TMEM266: variants seen among roughly 807,000 people sequenced by gnomAD.
The protein encoded by TMEM266 is Hv1 related protein 1.
A neutral mutation model predicts 50.5 loss-of-function variants in TMEM266; 33 were observed. That is an observed-to-expected ratio of 0.65 (90% CI 0.50 to 0.87). TMEM266 has a LOEUF of 0.87. TMEM266 is among the 40% of genes least tolerant of loss of function. The probability of loss-of-function intolerance (pLI) is 0.00; values close to 1 mark genes in which losing one functional copy is unlikely to be tolerated. For synonymous variants in TMEM266, 310 were observed against 292.3 expected (o/e 1.06, Z -0.62); for missense variants, 655 against 695.1 (o/e 0.94, Z 0.65).
At chr15:76,148,237 C>T (rs1233600963) in intron 3 of TMEM266, among the ~76,000 whole-genome samples, 1 of 152,126 alleles carries the variant, frequency 6.6e-6, no homozygotes, top group Non-Finnish European at 1.5e-5. Flanking sequence ...GAATGGGAGT[C>T]CCCAGTCATC....
intron 1 of TMEM266, among the ~76,000 whole-genome samples, chr15:76,102,849 A>G (rs951859866): frequency 2.0e-5 from 3 of 151,772 alleles, no homozygotes; most frequent in Admixed American, 6.6e-5. Context: ...CCAAAAAAAA[A>G]AAAAAAAAAA....
chr15:76,104,698 G>A (rs1192534549), intron 1 of TMEM266, among the ~76,000 whole-genome samples: 1 of 152,184 alleles, frequency 6.6e-6, no homozygotes, highest in Non-Finnish European at 1.5e-5. Context: ...AGGGAAATGA[G>A]GAGGTCATCA....
chr15:76,194,792 G>A (rs1253017322), intron 9 of TMEM266, among the ~76,000 whole-genome samples: 1 of 152,080 alleles, frequency 6.6e-6, no homozygotes, highest in Admixed American at 6.5e-5. Flanking sequence ...TTTTATAAGG[G>A]CCCCAGTCAT....
chr15:76,075,837 C>CTTTTTTT lies in TMEM266; in HGVS notation c.-97+15852_-97+15858dup, dbSNP rs71140194. On this transcript the variant is annotated intron_variant, in intron 1 of 10. Coordinates refer to ENST00000388942, the MANE Select transcript of TMEM266 (RefSeq NM_152335.3). ...CTGGAGGAGAATGAAGAGAAGGCAG[C>CTTTTTTT]TTTTTTTTTTTTTTTTTTTTTTTTT... Among the ~76,000 whole-genome samples, 39 of 23,594 alleles carry CTTTTTTT rather than the reference C, an allele frequency of 1.7e-3. 18 individuals are homozygous for CTTTTTTT. Among genetic ancestry groups the CTTTTTTT allele is most frequent in the Non-Finnish European group, 2.3e-3 (26 of 11,152 alleles). The allele number at this position is 23,594 out of a possible 152,430, so 15.5% of individuals were successfully genotyped here.
intron 8 of TMEM266, among the ~76,000 whole-genome samples, chr15:76,183,858 GC>G (rs952851368): frequency 1.3e-5 from 2 of 152,098 alleles, no homozygotes; most frequent in African/African-American, 2.4e-5. Context: ...AAGCTGTCAC[GC>G]CCCCCCTCCA....
intron 8 of TMEM266, among the ~76,000 whole-genome samples, chr15:76,188,675 G>C (rs2038523979): frequency 6.6e-6 from 1 of 152,128 alleles, no homozygotes; most frequent in African/African-American, 2.4e-5. Flanking sequence ...AGAAAGCATG[G>C]GAGTAACCAC....
intron 5 of TMEM266, among the ~76,000 whole-genome samples, chr15:76,166,818 C>T (rs1424322843): frequency 6.6e-6 from 1 of 152,182 alleles, no homozygotes; most frequent in Non-Finnish European, 1.5e-5. Context: ...TCAGCGGGTA[C>T]AGAGTTTCAG....
chr15:76,117,238 A>G (rs1390964445), intron 1 of TMEM266, among the ~76,000 whole-genome samples: 1 of 141,484 alleles, frequency 7.1e-6, no homozygotes, highest in Non-Finnish European at 1.5e-5. Flanking sequence ...TAAATTTGAC[A>G]GTGTGTACAT....
intron 9 of TMEM266, among the ~76,000 whole-genome samples, chr15:76,201,923 T>C (rs1221389478): frequency 1.3e-5 from 2 of 152,068 alleles, no homozygotes; most frequent in Non-Finnish European, 2.9e-5. Flanking sequence ...ATCTCAGAGA[T>C]GGGGAAACTG....
In TMEM266 at chr15:76,153,536, G is replaced by T. The variant is rs1433076795; in HGVS notation, c.228-3068G>T. ...GCCGCAGACAACGGTAATGGGCATT[G>T]GGGAGAATGTGGAATTGGAGCCAGG... On this transcript the variant is annotated intron_variant, in intron 3 of 10. Transcript: ENST00000388942. This position sits in a 1 kb window ranked among gnomAD's most constrained non-coding sequence, Gnocchi z 4.2. Among the ~76,000 whole-genome samples the T allele has an allele frequency of 6.6e-6, 1 of 152,216 alleles. No homozygotes were observed. Among genetic ancestry groups the T allele is most frequent in the Non-Finnish European group, 1.5e-5 (1 of 68,044 alleles).
chr15:76,190,440 A>G (rs1233836342), intron 8 of TMEM266, among the ~76,000 whole-genome samples: 1 of 152,192 alleles, frequency 6.6e-6, no homozygotes, highest in Non-Finnish European at 1.5e-5. Context: ...GTTTATGGAC[A>G]GGAGTGTCAT....
rs1424702266 is a variant in TMEM266 at position 76,180,366 on chromosome 15, G to GT, written c.768+4697dup. Reference sequence around the variant, plus strand: ...GGGTTTTGGGGAGCACTGGTCGGGTGTTTTTGTTTTACAGGATGCCCCTCT... The same window carrying GT: ...GGGTTTTGGGGAGCACTGGTCGGGTGTTTTTTGTTTTACAGGATGCCCCTCT... On this transcript the variant is annotated intron_variant, in intron 8 of 10. Transcript: ENST00000388942. Among the ~76,000 whole-genome samples the GT allele has an allele frequency of 2.6e-5, 4 of 152,208 alleles. No individual in the cohort carries two copies. In the East Asian group the frequency reaches 5.8e-4, roughly 22 times the overall value.
At chr15:76,093,885 A>G (rs929434366) in intron 1 of TMEM266, among the ~76,000 whole-genome samples, 7 of 151,954 alleles carry the variant, frequency 4.6e-5, no homozygotes, top group African/African-American at 7.3e-5. Context: ...GCATTTTTTC[A>G]TATGTGTGTT....
At chr15:76,109,599 C>T (rs2037136207) in intron 1 of TMEM266, among the ~76,000 whole-genome samples, 4 of 152,148 alleles carry the variant, frequency 2.6e-5, no homozygotes, top group South Asian at 2.1e-4. Flanking sequence ...GAGTGTGAGG[C>T]TCCATGAGCC....
chr15:76,176,636 C>T (rs1339770449), intron 8 of TMEM266, among the ~76,000 whole-genome samples: 2 of 152,188 alleles, frequency 1.3e-5, no homozygotes, highest in South Asian at 4.1e-4. Context: ...CTGTGGCTCT[C>T]TGTGCCCAGG....
At chr15:76,120,493 G>A (rs1249541914) in intron 1 of TMEM266, among the ~76,000 whole-genome samples, 1 of 152,036 alleles carries the variant, frequency 6.6e-6, no homozygotes, top group Admixed American at 6.6e-5. Context: ...GGGTGCGGTG[G>A]CTCACGCCCA....
chr15:76,200,740 A>G (rs2038732946), intron 9 of TMEM266, among the ~76,000 whole-genome samples: 1 of 152,228 alleles, frequency 6.6e-6, no homozygotes, highest in South Asian at 2.1e-4. Context: ...GCTAGACAGC[A>G]TTGGCAGTAC....
At chr15:76,148,069 G>T (rs955064170) in intron 3 of TMEM266, among the ~76,000 whole-genome samples, 4 of 152,260 alleles carry the variant, frequency 2.6e-5, no homozygotes, top group African/African-American at 9.6e-5. Flanking sequence ...CAAGGCGCAG[G>T]GTGTACAGCG....
chr15:76,179,098 C>T (rs1330867532), intron 8 of TMEM266, among the ~76,000 whole-genome samples: 2 of 152,174 alleles, frequency 1.3e-5, no homozygotes, highest in Non-Finnish European at 2.9e-5. Flanking sequence ...ATGGCTAGAC[C>T]CTTGGAGACA....
Sources: gnomAD v4.1 joint callset for allele counts (sites outside exome capture counted in the v4.1 genomes callset) on GRCh38, gnomAD v4.1.1 for gene constraint, Gnocchi (gnomAD v3.1) non-coding constraint, MANE v1.5 for transcripts, NCBI Gene and HGNC (gene_info 2026-07-23, HGNC 2026-07-21) for gene names.